The following ADCY8 variants were observed in gnomAD, a reference collection of about 807,000 sequenced individuals.
ADCY8 encodes the protein adenylate cyclase type 8.
ADCY8 carries 51 observed loss-of-function variants against 119.7 expected under a neutral mutation model. The ratio of observed to expected loss-of-function variants is 0.43; its 90% CI spans 0.34 to 0.54. The LOEUF is 0.54. Ranked by LOEUF, ADCY8 falls within the 20% of genes least tolerant of loss-of-function variation. The pLI, the probability that ADCY8 is intolerant of heterozygous loss-of-function variation, is 0.03. For synonymous variants in ADCY8, 665 were observed against 651.0 expected, an observed-to-expected ratio of 1.02 and a Z score of -0.33; for missense variants, 1,383 against 1,598.8, an observed-to-expected ratio of 0.87 and a Z score of 2.30.
intron 14 of ADCY8, among the ~76,000 whole-genome samples, chr8:130,811,766 G>C (rs1318477354): frequency 6.6e-6 from 1 of 152,174 alleles, no homozygotes; most frequent in Non-Finnish European, 1.5e-5. Flanking sequence ...AACTGTGTTA[G>C]GAGGATGAGA....
intron 12 of ADCY8, among the ~76,000 whole-genome samples, chr8:130,835,894 C>T (rs2130258580): frequency 6.6e-6 from 1 of 152,198 alleles, no homozygotes; most frequent in Non-Finnish European, 1.5e-5. Flanking sequence ...GGAGGTCCAA[C>T]TGTACGATGC....
At chr8:130,943,272 C>T in intron 4 of ADCY8, 79 bp downstream of exon 4, 2 of 1,026,664 alleles carry the variant, frequency 1.9e-6, no homozygotes, top group Non-Finnish European at 3.0e-6. Context: ...GGGAAGAAGG[C>T]TGAATCCTTC....
At chr8:130,988,114 T>C (rs987759703) in intron 2 of ADCY8, among the ~76,000 whole-genome samples, 1 of 152,214 alleles carries the variant, frequency 6.6e-6, no homozygotes, top group Non-Finnish European at 1.5e-5. Context: ...AAATAGTAAG[T>C]AAGTAAAAAT....
chr8:130,900,885 C>A lies in ADCY8; in HGVS notation c.1911+2887G>T, dbSNP rs565885902. On this transcript the variant is annotated intron_variant, in intron 7 of 17. Coordinates refer to ENST00000286355, the MANE Select transcript of ADCY8 (RefSeq NM_001115.3). ...AGTTTCAGAAATGTGTGATCACTCT[C>A]CCTGGATTTTTCCCAGACACTTCAA... Among the ~76,000 whole-genome samples, 12 of 152,316 alleles carry A rather than the reference C, an allele frequency of 7.9e-5. No homozygotes were observed. The East Asian group carries it at 1.9e-3, about 24-fold the overall frequency.
intron 5 of ADCY8, among the ~76,000 whole-genome samples, chr8:130,920,238 C>T (rs1039429411): frequency 2.0e-5 from 3 of 150,710 alleles, no homozygotes; most frequent in South Asian, 2.1e-4. Flanking sequence ...TATTATATCA[C>T]GTGGCCTCTT....
chr8:130,815,654 C>G (rs535939011), intron 13 of ADCY8, among the ~76,000 whole-genome samples: 1 of 152,274 alleles, frequency 6.6e-6, no homozygotes, highest in Non-Finnish European at 1.5e-5. Context: ...TTGTTAACCA[C>G]TAGGTAATAT....
intron 5 of ADCY8, among the ~76,000 whole-genome samples, chr8:130,921,769 T>C (rs1051066527): frequency 2.0e-5 from 3 of 152,160 alleles, no homozygotes; most frequent in Non-Finnish European, 4.4e-5. Context: ...CATTTTTCTA[T>C]TTTTTACATA....
intron 8 of ADCY8, among the ~76,000 whole-genome samples, chr8:130,872,869 C>T (rs1383312253): frequency 1.3e-5 from 2 of 152,088 alleles, no homozygotes; most frequent in Non-Finnish European, 2.9e-5. Context: ...CCATTCCTTC[C>T]AAGGAAGTGG....
At chr8:131,037,533 C>G (rs960112279) in intron 1 of ADCY8, among the ~76,000 whole-genome samples, 1 of 151,948 alleles carries the variant, frequency 6.6e-6, no homozygotes, top group Admixed American at 6.6e-5. Context: ...CTGAGAAAGG[C>G]TATTGCGTGA....
At chr8:130,943,320 A>G (rs1261890256) in intron 4 of ADCY8, 31 bp downstream of exon 4, 1 of 1,511,938 alleles carries the variant, frequency 6.6e-7, no homozygotes, top group Non-Finnish European at 9.2e-7. Flanking sequence ...CACTCCTGCA[A>G]AAGACGAGGA....
chr8:131,037,695 G>T (rs947566613), intron 1 of ADCY8, among the ~76,000 whole-genome samples: 6 of 152,126 alleles, frequency 3.9e-5, no homozygotes, highest in African/African-American at 1.4e-4. Flanking sequence ...GGGAAGAAAA[G>T]ATCTGCTAAT....
At chr8:130,903,052 C>T (rs1180952651) in intron 7 of ADCY8, among the ~76,000 whole-genome samples, 1 of 152,042 alleles carries the variant, frequency 6.6e-6, no homozygotes, top group Non-Finnish European at 1.5e-5. Flanking sequence ...TGGTTCTCGA[C>T]CTGGCTCAGC....
At chr8:131,006,427 C>T (rs1823120408) in intron 1 of ADCY8, among the ~76,000 whole-genome samples, 1 of 152,100 alleles carries the variant, frequency 6.6e-6, no homozygotes, top group Non-Finnish European at 1.5e-5. Context: ...AATCATATGC[C>T]CTTATCAAGA....
At chr8:130,892,860 C>G (rs1819236185) in intron 7 of ADCY8, 1 of 152,072 alleles carries the variant, frequency 6.6e-6, no homozygotes, top group East Asian at 1.9e-4. Context: ...AGATTTTGTC[C>G]CTTAGAGCTG....
chr8:130,939,188 G>A (rs1214708248), intron 4 of ADCY8, among the ~76,000 whole-genome samples: 1 of 151,280 alleles, frequency 6.6e-6, no homozygotes, highest in Non-Finnish European at 1.5e-5. Flanking sequence ...ACTTATAAAA[G>A]CAAATATATT....
intron 2 of ADCY8, among the ~76,000 whole-genome samples, chr8:130,982,911 C>T (rs569482456): frequency 1.4e-4 from 21 of 152,278 alleles, no homozygotes; most frequent in Admixed American, 3.3e-4. Context: ...AAAACAGGCA[C>T]GTTGCAGATG....
chr8:130,958,927 C>G (rs568380923), intron 2 of ADCY8, among the ~76,000 whole-genome samples: 75 of 151,300 alleles, frequency 5.0e-4, no homozygotes, highest in Non-Finnish European at 8.4e-4. Context: ...TGATGATATA[C>G]CTTTTGTCTC....
At chr8:131,011,066 G>A (rs891423587) in intron 1 of ADCY8, among the ~76,000 whole-genome samples, 8 of 152,120 alleles carry the variant, frequency 5.3e-5, no homozygotes, top group African/African-American at 1.9e-4. Flanking sequence ...AGCAAAAGAG[G>A]TATACCTTGG....
At chr8:130,861,087 G>C (rs550109390) in intron 9 of ADCY8, among the ~76,000 whole-genome samples, 1 of 152,162 alleles carries the variant, frequency 6.6e-6, no homozygotes, top group South Asian at 2.1e-4. Flanking sequence ...TCTTTCTTTA[G>C]CATCATACTG....
Sources: allele counts gnomAD v4.1 joint callset (sites outside exome capture counted in the v4.1 genomes callset), GRCh38; gene constraint gnomAD v4.1.1; transcripts MANE v1.5; gene names NCBI Gene and HGNC (gene_info 2026-07-23, HGNC 2026-07-21).